The following PKD1L3 variants were observed in gnomAD, a reference collection of about 807,000 sequenced individuals.
PKD1L3 encodes the protein polycystin-1-like protein 3.
A neutral mutation model predicts 184.1 loss-of-function variants in PKD1L3; 239 were observed. That is an observed-to-expected ratio of 1.30 (90% CI 1.17 to 1.45). The LOEUF (loss-of-function observed/expected upper bound fraction) is 1.45, where lower values mean the gene tolerates loss of function less well. Among genes scored for constraint, PKD1L3 ranks in the 40% most tolerant of loss-of-function variants. The probability of loss-of-function intolerance (pLI) is 0.00; values close to 1 mark genes in which losing one functional copy is unlikely to be tolerated. For synonymous variants in PKD1L3, 996 were observed against 778.8 expected (o/e 1.28, Z -4.64); for missense variants, 2,660 against 2,067.2 (o/e 1.29, Z -5.56).
intron 7 of PKD1L3, among the ~76,000 whole-genome samples, chr16:71,980,642 T>C (rs1157333112): frequency 6.6e-6 from 1 of 152,158 alleles, no homozygotes; most frequent in Non-Finnish European, 1.5e-5. Flanking sequence ...GAGACCTACC[T>C]GGCCGACATT....
chr16:71,969,893 A>T lies in PKD1L3; in HGVS notation c.2166T>A (p.Asp722Glu), dbSNP rs1567526984. Residue 722 changes from aspartate (D) to glutamate (E), a missense_variant, in exon 13 of 30, where the codon GAT becomes GAA. Transcript: ENST00000620267. ...VITVVWARKK[D>E]QADMQKVKVT... is the part of the protein sequence containing the mutation. ...TCATTACCTTCTGCATATCTGCTTG[A>T]TCCTTTTTCCGAGCCCACACAACTG... 6.5e-7 allele frequency: 1 copy of T among 1,549,980 alleles called. No homozygotes were observed.
At chr16:71,987,059 G>T (rs2040399946) in intron 4 of PKD1L3, among the ~76,000 whole-genome samples, 1 of 150,834 alleles carries the variant, frequency 6.6e-6, no homozygotes, top group Admixed American at 6.6e-5. Context: ...TCAGTAGCTG[G>T]GATTACAGGC....
intron 2 of PKD1L3, among the ~76,000 whole-genome samples, chr16:71,993,817 C>G (rs1456409335): frequency 1.3e-5 from 2 of 152,118 alleles, no homozygotes; most frequent in Non-Finnish European, 2.9e-5. Context: ...CTCTGTTGCC[C>G]AGGCTGGAAT....
intron 9 of PKD1L3, among the ~76,000 whole-genome samples, chr16:71,979,195 G>A (rs1423202527): frequency 6.6e-6 from 1 of 152,136 alleles, no homozygotes; most frequent in African/African-American, 2.4e-5. Flanking sequence ...TGTAATCCCA[G>A]CACTACGGGA....
intron 28 of PKD1L3, 70 bp from the exon 29 acceptor site, chr16:71,930,253 G>C: frequency 7.1e-7 from 1 of 1,404,864 alleles, no homozygotes; most frequent in South Asian, 1.7e-5. Context: ...TAAGCTATAT[G>C]CTAGTGTTTG....
chr16:71,975,751 T>A (rs1370646681), intron 11 of PKD1L3, among the ~76,000 whole-genome samples: 1 of 152,170 alleles, frequency 6.6e-6, no homozygotes, highest in Admixed American at 6.5e-5. Flanking sequence ...TAAAAAAAAA[T>A]GATTTTATGG....
At chr16:71,967,740 C>G (rs1260646477) in intron 14 of PKD1L3, among the ~76,000 whole-genome samples, 166 bp downstream of exon 14, 1 of 152,176 alleles carries the variant, frequency 6.6e-6, no homozygotes, top group African/African-American at 2.4e-5. Context: ...ATTGGGATTA[C>G]AGGCGTGAAC....
chr16:71,978,175 C>T (rs1219492094), intron 10 of PKD1L3, 80 bp downstream of exon 10: 1 of 1,443,494 alleles, frequency 6.9e-7, no homozygotes, highest in Non-Finnish European at 9.4e-7. Context: ...ACATAATTCC[C>T]TTTAAGTTGT....
rs374517326 is a variant in PKD1L3, at chr16:71,998,303, G to C, written c.387C>G (p.Cys129Trp). 1 of 1,552,182 alleles carries C rather than the reference G, an allele frequency of 6.4e-7. No individual in the cohort carries two copies. Among genetic ancestry groups the C allele is most frequent in the Middle Eastern group, 1.7e-4 (1 of 5,998 alleles). The change falls in exon 2 of 30, where the codon TGC becomes TGG. Residue 129 changes from cysteine to tryptophan, a missense_variant. Cys to Trp is a radical substitution (Grantham distance 215, BLOSUM62 -2). Transcript: ENST00000620267. ...FIRISSKGDK[C>W]LLKYYFICQT... ...GGCAAATGAAATAGTATTTCAGTAA[G>C]CACTTGTCCCCTTTGGATGAGATCC...
rs2037875434 is a variant in PKD1L3, at chr16:71,930,040, T to G, written c.5058+12A>C. The G allele has an allele frequency of 6.5e-7, 1 of 1,544,954 alleles. No individual in the cohort carries two copies. Among genetic ancestry groups the G allele is most frequent in the Non-Finnish European group, 8.7e-7 (1 of 1,144,600 alleles). ...ATATAACAGCATGCTAGTTTATCTTTTAGTTACCTACCTTAAGCGACTTTC... is the reference window on the plus strand; with the variant it reads ...ATATAACAGCATGCTAGTTTATCTTGTAGTTACCTACCTTAAGCGACTTTC... On this transcript the variant is annotated intron_variant, in intron 29 of 29. Coordinates refer to ENST00000620267, the MANE Select transcript of PKD1L3 (RefSeq NM_181536.2).
intron 27 of PKD1L3, 117 bp downstream of exon 27, chr16:71,933,798 C>G (rs927522942): frequency 8.5e-7 from 1 of 1,180,124 alleles, no homozygotes; most frequent in Non-Finnish European, 1.2e-6. Context: ...TAGATCTAAA[C>G]CCGGCTTTCC....
chr16:71,942,767 T>C lies in PKD1L3; in HGVS notation c.4117A>G (p.Lys1373Glu), dbSNP rs2038405834. ...CCTTCGTCCACTTTCTCATAGGTCTTGGTACGGGGTATTTGGAAAATTAAT... is the reference window on the plus strand; with the variant it reads ...CCTTCGTCCACTTTCTCATAGGTCTCGGTACGGGGTATTTGGAAAATTAAT... ...VQLIFQIPRTKTYEKVDEGQL... is the reference protein window; with the variant it reads ...VQLIFQIPRTETYEKVDEGQL... The change falls in exon 24 of 30, where the codon AAG becomes GAG. Residue 1373 changes from lysine to glutamate, a missense_variant. By Grantham distance (56) the Lys-to-Glu change is moderately conservative (BLOSUM62 1). Transcript: ENST00000620267. 1 of 1,551,722 alleles carries C rather than the reference T, an allele frequency of 6.4e-7. No homozygotes were observed. The highest frequency in any genetic ancestry group is 8.7e-7 in the Non-Finnish European group (1 of 1,147,000).
At chr16:71,937,513 TATC>T in intron 24 of PKD1L3, 94 bp from the exon 25 acceptor site, 2 of 1,358,488 alleles carry the variant, frequency 1.5e-6, no homozygotes, top group Non-Finnish European at 2.0e-6. Flanking sequence ...ACTCTTCCTG[TATC>T]ATCAAATGTT....
intron 25 of PKD1L3, 94 bp downstream of exon 25, chr16:71,937,198 G>A: frequency 7.8e-7 from 1 of 1,285,994 alleles, no homozygotes; most frequent in Admixed American, 2.4e-5. Context: ...TGGGACCACA[G>A]GTGCATGCCA....
At chr16:71,981,133 T>C (rs762930105) in intron 7 of PKD1L3, among the ~76,000 whole-genome samples, 1 of 152,234 alleles carries the variant, frequency 6.6e-6, no homozygotes, top group Non-Finnish European at 1.5e-5. Flanking sequence ...AGATCATAGA[T>C]GTGTGGGTTA....
At chr16:71,946,961 T>A (rs2143306047) in intron 22 of PKD1L3, among the ~76,000 whole-genome samples, 1 of 142,178 alleles carries the variant, frequency 7.0e-6, no homozygotes, top group South Asian at 2.4e-4. Flanking sequence ...GAAAAAGATC[T>A]AAAATGTAGG....
At chr16:71,951,211 T>C (rs1463657063) in intron 19 of PKD1L3, among the ~76,000 whole-genome samples, 1 of 152,124 alleles carries the variant, frequency 6.6e-6, no homozygotes, top group Admixed American at 6.6e-5. Context: ...GGCTAATTTT[T>C]GTATTTTTAG....
intron 3 of PKD1L3, among the ~76,000 whole-genome samples, chr16:71,992,475 T>C (rs1163224283): frequency 6.6e-6 from 1 of 152,210 alleles, no homozygotes; most frequent in African/African-American, 2.4e-5. Context: ...TTCAAATGTG[T>C]CTTTAACATC....
At chr16:71,937,680 G>A (rs537371427) in intron 24 of PKD1L3, among the ~76,000 whole-genome samples, 95 of 152,192 alleles carry the variant, frequency 6.2e-4, no homozygotes, top group African/African-American at 1.9e-3. Context: ...GGGAGGTGTC[G>A]GTGGCTTAAC....
Sources: gnomAD v4.1 joint callset for allele counts (sites outside exome capture counted in the v4.1 genomes callset) on GRCh38, gnomAD v4.1.1 for gene constraint, MANE v1.5 for transcripts, NCBI Gene and HGNC (gene_info 2026-07-23, HGNC 2026-07-21) for gene names.